The following ATP6V0E1 variants were observed in gnomAD, a reference collection of about 807,000 sequenced individuals.
ATP6V0E1 encodes ATPase H+ transporting V0 subunit e1.
In ATP6V0E1, 4 loss-of-function variants were observed where a neutral mutation model predicts 11.6. That is an observed-to-expected ratio of 0.35 (90% CI 0.17 to 0.79). The LOEUF (loss-of-function observed/expected upper bound fraction) is 0.79, where lower values mean the gene tolerates loss of function less well. Ranked by LOEUF, ATP6V0E1 falls within the 30% of genes least tolerant of loss-of-function variation. ATP6V0E1 has a pLI of 0.54. For missense variants in ATP6V0E1, 105 were observed against 100.0 expected, an observed-to-expected ratio of 1.05 and a Z score of -0.21; for synonymous variants, 36 against 34.8, an observed-to-expected ratio of 1.04 and a Z score of -0.13.
Position 172,985,712 on chromosome 5 carries a change from A to G in ATP6V0E1, c.104+1748A>G, listed in dbSNP as rs989114072. ...ATTCTCTCCCCTTCCTTGGGATGTC[A>G]TTGCCATTATCCAGGGTAATGAAAC... On this transcript the variant is annotated intron_variant, in intron 1 of 3. Coordinates refer to ENST00000519374, the MANE Select transcript of ATP6V0E1 (RefSeq NM_003945.4). Among the ~76,000 whole-genome samples the G allele has an allele frequency of 3.7e-4, 57 of 152,188 alleles. 1 individual carries two copies. Among genetic ancestry groups the G allele is most frequent in the African/African-American group, 1.4e-3 (56 of 41,434 alleles).
chr5:173,018,906 C>T (rs1414516566), intron 2 of ATP6V0E1, among the ~76,000 whole-genome samples: 1 of 151,842 alleles, frequency 6.6e-6, no homozygotes, highest in Non-Finnish European at 1.5e-5. Flanking sequence ...ACCCTTTATA[C>T]AGAACTTTGT....
rs536207257 is a variant in ATP6V0E1 at position 172,993,009 on chromosome 5, A to G, written c.105-1766A>G. ...GAGATGGGGTTTCATCATATTGGTC[A>G]GGCTGGTCTCGAACTCCTGACCTCT... On this transcript the variant is annotated intron_variant, in intron 1 of 3. Coordinates refer to ENST00000519374, the MANE Select transcript of ATP6V0E1 (RefSeq NM_003945.4). Among the ~76,000 whole-genome samples the G allele has an allele frequency of 2.0e-5, 3 of 151,972 alleles. No homozygotes were observed. In the East Asian group the frequency reaches 5.9e-4, roughly 30 times the overall value.
intron 2 of ATP6V0E1, among the ~76,000 whole-genome samples, chr5:173,002,234 CTT>C (rs963700659): frequency 6.6e-6 from 1 of 152,208 alleles, no homozygotes; most frequent in Non-Finnish European, 1.5e-5. Context: ...GCACAAAAAA[CTT>C]AATTCCTTTA....
At chr5:172,986,573 A>G in intron 1 of ATP6V0E1, 1 of 276,430 alleles carries the variant, frequency 3.6e-6, no homozygotes, top group South Asian at 3.0e-5. Context: ...GGATGCAGTA[A>G]GCTATGATCA....
chr5:172,984,485 C>T (rs1397525111), intron 1 of ATP6V0E1, among the ~76,000 whole-genome samples: 3 of 152,184 alleles, frequency 2.0e-5, no homozygotes, highest in African/African-American at 7.2e-5. Flanking sequence ...CGGTTGGGGC[C>T]TGATCTAAAG....
At chr5:173,019,039 G>T (rs1308417593) in intron 2 of ATP6V0E1, among the ~76,000 whole-genome samples, 1 of 152,042 alleles carries the variant, frequency 6.6e-6, no homozygotes, top group East Asian at 1.9e-4. Flanking sequence ...CTGCAGCCTT[G>T]AACTCCCAGG....
chr5:173,015,319 G>A (rs1274840596), intron 2 of ATP6V0E1, among the ~76,000 whole-genome samples: 1 of 152,174 alleles, frequency 6.6e-6, no homozygotes. Context: ...TTTAGTCTTT[G>A]TTCCCATTTC....
intron 2 of ATP6V0E1, among the ~76,000 whole-genome samples, chr5:173,019,073 C>A (rs557590640): frequency 7.5e-4 from 114 of 152,258 alleles, no homozygotes; most frequent in African/African-American, 2.7e-3. Context: ...CCCACCTCAG[C>A]CTCCTGGGTA....
At chr5:173,008,289 T>G (rs1756259763) in intron 2 of ATP6V0E1, among the ~76,000 whole-genome samples, 1 of 150,634 alleles carries the variant, frequency 6.6e-6, no homozygotes. Context: ...TTCCTTTTTT[T>G]TTCTTTTCTT....
At chr5:173,014,554 A>G (rs1476105426) in intron 2 of ATP6V0E1, among the ~76,000 whole-genome samples, 1 of 152,198 alleles carries the variant, frequency 6.6e-6, no homozygotes, top group African/African-American at 2.4e-5. Context: ...AAAGAATGAA[A>G]TCATGTCATT....
intron 2 of ATP6V0E1, among the ~76,000 whole-genome samples, chr5:173,012,215 A>T (rs1451299598): frequency 6.6e-6 from 1 of 151,758 alleles, no homozygotes; most frequent in Non-Finnish European, 1.5e-5. Flanking sequence ...TATTTTTAGT[A>T]GAGATAGTGT....
At chr5:173,033,037 A>G (rs890429527) in intron 3 of ATP6V0E1, among the ~76,000 whole-genome samples, 2 of 152,224 alleles carry the variant, frequency 1.3e-5, no homozygotes, top group Non-Finnish European at 2.9e-5. Flanking sequence ...TCGAGGCTGC[A>G]GTGAGCTGTG....
At chr5:173,021,459 T>C (rs943998568) in intron 3 of ATP6V0E1, among the ~76,000 whole-genome samples, 5 of 151,984 alleles carry the variant, frequency 3.3e-5, no homozygotes, top group African/African-American at 1.2e-4. Flanking sequence ...AACCATCAGA[T>C]CTCGTGAGAC....
At chr5:173,025,000 G>A (rs1447557856) in intron 3 of ATP6V0E1, among the ~76,000 whole-genome samples, 2 of 150,912 alleles carry the variant, frequency 1.3e-5, no homozygotes, top group South Asian at 2.1e-4. Context: ...GCGCCACCAC[G>A]CCTGGCTAAT....
intron 2 of ATP6V0E1, among the ~76,000 whole-genome samples, chr5:173,005,656 CCTT>C (rs1756218109): frequency 1.3e-5 from 2 of 152,002 alleles, no homozygotes; most frequent in African/African-American, 4.8e-5. Context: ...ATCTTTTTGT[CCTT>C]CTCATTGACA....
chr5:172,988,847 C>T (rs185828451), intron 1 of ATP6V0E1, among the ~76,000 whole-genome samples: 1 of 152,290 alleles, frequency 6.6e-6, no homozygotes, highest in Non-Finnish European at 1.5e-5. Context: ...CGTCACCATG[C>T]TTGACTAATT....
At chr5:172,992,015 T>TGTCC (rs1755987564) in intron 1 of ATP6V0E1, among the ~76,000 whole-genome samples, 1 of 145,588 alleles carries the variant, frequency 6.9e-6, no homozygotes, top group Admixed American at 6.8e-5. Flanking sequence ...TCTGTCTGTC[T>TGTCC]TTCTGTCTTT....
At chr5:172,997,464 T>C (rs1466896954) in intron 2 of ATP6V0E1, among the ~76,000 whole-genome samples, 1 of 152,152 alleles carries the variant, frequency 6.6e-6, no homozygotes, top group East Asian at 1.9e-4. Context: ...TTCTTCTTCT[T>C]TAAAAATCTG....
At chr5:173,004,198 A>G (rs1756196783) in intron 2 of ATP6V0E1, among the ~76,000 whole-genome samples, 1 of 152,186 alleles carries the variant, frequency 6.6e-6, no homozygotes, top group Non-Finnish European at 1.5e-5. Flanking sequence ...CTGGGAAAGC[A>G]TGGAGGGATC....
Sources: allele counts gnomAD v4.1 joint callset (sites outside exome capture counted in the v4.1 genomes callset), GRCh38; gene constraint gnomAD v4.1.1; transcripts MANE v1.5; gene names NCBI Gene and HGNC (gene_info 2026-07-23, HGNC 2026-07-21).